KIAA1549L: variants seen among roughly 807,000 people sequenced by gnomAD.
The protein encoded by KIAA1549L is KIAA1549 like, also known as UPF0606 protein KIAA1549L.
A neutral mutation model predicts 160.7 loss-of-function variants in KIAA1549L; 88 were observed. That is an observed-to-expected ratio of 0.55 (90% CI 0.46 to 0.65). The LOEUF (loss-of-function observed/expected upper bound fraction) is 0.65. Ranked by LOEUF, KIAA1549L falls within the 30% of genes least tolerant of loss-of-function variation. KIAA1549L has a pLI of 0.00. For synonymous variants in KIAA1549L, 950 were observed against 976.7 expected (o/e 0.97, Z 0.51); for missense variants, 2,258 against 2,437.5 (o/e 0.93, Z 1.55).
At chr11:33,429,034 C>T (rs1851178114) in intron 1 of KIAA1549L, among the ~76,000 whole-genome samples, 1 of 152,110 alleles carries the variant, frequency 6.6e-6, no homozygotes, top group South Asian at 2.1e-4. Context: ...TGCAATGGTG[C>T]AATCTCGACT....
chr11:33,548,966 G>T (rs1267829493), intron 4 of KIAA1549L, among the ~76,000 whole-genome samples: 1 of 152,154 alleles, frequency 6.6e-6, no homozygotes, highest in Non-Finnish European at 1.5e-5. Context: ...GAAGAAAAAA[G>T]AAATGCATTA....
At chr11:33,485,430 A>G (rs1590279946) in intron 1 of KIAA1549L, among the ~76,000 whole-genome samples, 1 of 152,298 alleles carries the variant, frequency 6.6e-6, no homozygotes, top group Middle Eastern at 3.4e-3. Flanking sequence ...TACCTTATTT[A>G]AAGAATAAGT....
intron 13 of KIAA1549L, among the ~76,000 whole-genome samples, chr11:33,601,632 C>T (rs1850362375): frequency 6.6e-6 from 1 of 152,192 alleles, no homozygotes; most frequent in South Asian, 2.1e-4. Flanking sequence ...ATGCTGTTGT[C>T]TTATGGCTTA....
At chr11:33,395,920 T>C (rs1850364468) in intron 1 of KIAA1549L, among the ~76,000 whole-genome samples, 1 of 152,180 alleles carries the variant, frequency 6.6e-6, no homozygotes, top group African/African-American at 2.4e-5. Context: ...TTTGAGGTCC[T>C]GATGGTGGTA....
At chr11:33,504,634 A>AT (rs1266407254) in intron 1 of KIAA1549L, among the ~76,000 whole-genome samples, 2 of 151,856 alleles carry the variant, frequency 1.3e-5, no homozygotes, top group African/African-American at 4.8e-5. Context: ...CACCCAGCTA[A>AT]TTTTTGTATC....
chr11:33,658,709 G>A (rs753966394), intron 18 of KIAA1549L, 41 bp from the exon 19 acceptor site: 1 of 1,555,002 alleles, frequency 6.4e-7, no homozygotes, highest in Non-Finnish European at 8.7e-7. Context: ...CGCCGCCTGA[G>A]GTCTGGGACA....
At chr11:33,435,367 A>G (rs1851331579) in intron 1 of KIAA1549L, among the ~76,000 whole-genome samples, 1 of 152,134 alleles carries the variant, frequency 6.6e-6, no homozygotes. Flanking sequence ...AGACAGTAAA[A>G]CCAAAAATGA....
At chr11:33,498,976 T>C (rs915407573) in intron 1 of KIAA1549L, among the ~76,000 whole-genome samples, 2 of 152,140 alleles carry the variant, frequency 1.3e-5, no homozygotes, top group African/African-American at 4.8e-5. Flanking sequence ...TGTGAGGAAG[T>C]GCAGGTTGTC....
At chr11:33,546,078 C>A (rs547360143) in intron 3 of KIAA1549L, among the ~76,000 whole-genome samples, 1 of 152,150 alleles carries the variant, frequency 6.6e-6, no homozygotes, top group East Asian at 1.9e-4. Context: ...GCAAAGCAGG[C>A]CTAGAATGCA....
chr11:33,430,468 G>A (rs990040247), intron 1 of KIAA1549L, among the ~76,000 whole-genome samples: 5 of 152,126 alleles, frequency 3.3e-5, no homozygotes, highest in Non-Finnish European at 7.3e-5. Flanking sequence ...TTGCCCTGAG[G>A]CTATCCTTTG....
chr11:33,477,228 C>T (rs1852306107), intron 1 of KIAA1549L, among the ~76,000 whole-genome samples: 1 of 152,090 alleles, frequency 6.6e-6, no homozygotes, highest in South Asian at 2.1e-4. Flanking sequence ...GTGGCCTGAG[C>T]CCGAGGAGGA....
intron 17 of KIAA1549L, among the ~76,000 whole-genome samples, chr11:33,647,766 G>A (rs554426636): frequency 7.7e-4 from 104 of 134,386 alleles, no homozygotes; most frequent in African/African-American, 2.5e-3. Context: ...CATAGCCATC[G>A]TATCTCAATT....
chr11:33,384,077 A>G (rs2134036409), intron 1 of KIAA1549L, among the ~76,000 whole-genome samples: 1 of 152,284 alleles, frequency 6.6e-6, no homozygotes, highest in Non-Finnish European at 1.5e-5. Flanking sequence ...CACAATCCAG[A>G]TACAGAACAT....
intron 1 of KIAA1549L, among the ~76,000 whole-genome samples, chr11:33,380,145 G>A (rs997036515): frequency 3.3e-5 from 5 of 152,184 alleles, no homozygotes; most frequent in African/African-American, 1.2e-4. Flanking sequence ...TCTGCATGCT[G>A]GGGCTTCCCC....
intron 1 of KIAA1549L, among the ~76,000 whole-genome samples, chr11:33,409,726 T>A (rs1367296908): frequency 6.6e-6 from 1 of 151,652 alleles, no homozygotes; most frequent in Non-Finnish European, 1.5e-5. Context: ...CAATTTAAAA[T>A]GAAAACCCTA....
At chr11:33,538,340 A>T (rs528559089) in intron 1 of KIAA1549L, among the ~76,000 whole-genome samples, 1 of 152,200 alleles carries the variant, frequency 6.6e-6, no homozygotes, top group Non-Finnish European at 1.5e-5. Flanking sequence ...ATGCTTTTTC[A>T]GTCATGAAGT....
chr11:33,509,632 C>A (rs369131705), intron 1 of KIAA1549L, among the ~76,000 whole-genome samples: 1 of 152,212 alleles, frequency 6.6e-6, no homozygotes, highest in African/African-American at 2.4e-5. Flanking sequence ...TCAATTCCAT[C>A]TGAGGCAGGA....
In KIAA1549L at chr11:33,655,504, G is replaced by C. The variant is rs141672090; in HGVS notation, c.5761-508G>C. Among the ~76,000 whole-genome samples, 68 of 152,282 alleles carry C rather than the reference G, an allele frequency of 4.5e-4. No homozygotes were observed. The East Asian group carries it at 0.013, about 29-fold the overall frequency. ...TCCATTTAATCATCTAATATTTATT[G>C]ATAACCTGTTATATACCAGGCACTG... On this transcript the variant is annotated intron_variant, in intron 17 of 20. Coordinates refer to ENST00000658780, the MANE Select transcript of KIAA1549L (RefSeq NM_012194.3).
intron 1 of KIAA1549L, among the ~76,000 whole-genome samples, chr11:33,435,794 A>ACG (rs1851351005): frequency 3.1e-5 from 1 of 32,358 alleles, no homozygotes; most frequent in Non-Finnish European, 5.1e-5. Flanking sequence ...ATATATATAT[A>ACG]TATATATATA....
Sources: allele counts gnomAD v4.1 joint callset (sites outside exome capture counted in the v4.1 genomes callset), GRCh38; gene constraint gnomAD v4.1.1; transcripts MANE v1.5; gene names NCBI Gene and HGNC (gene_info 2026-07-23, HGNC 2026-07-21).